SYNPO2: variants seen among roughly 807,000 people sequenced by gnomAD.
The protein encoded by SYNPO2 is synaptopodin-2.
SYNPO2 carries 56 observed loss-of-function variants against 85.0 expected under a neutral mutation model. The observed-to-expected ratio is 0.66, with a 90% CI of 0.53 to 0.82. SYNPO2 has a LOEUF of 0.82. Among genes scored for constraint, SYNPO2 ranks in the 40% least tolerant of loss-of-function variants. The pLI is 0.00. For synonymous variants in SYNPO2, 602 were observed against 591.1 expected (o/e 1.02, Z -0.27); for missense variants, 1,575 against 1,534.2 (o/e 1.03, Z -0.44).
Position 118,927,990 on chromosome 4 carries a change from C to G in SYNPO2, c.105+38849C>G, listed in dbSNP as rs547200915. Among the ~76,000 whole-genome samples, 4 of 152,256 alleles carry G rather than the reference C, an allele frequency of 2.6e-5. No individual in the cohort carries two copies. In the South Asian group the frequency reaches 6.2e-4, roughly 24 times the overall value. On this transcript the variant is annotated intron_variant, in intron 1 of 4. Transcript: ENST00000307142. ...TGTACATTTGTGAATACTTCTTGAA[C>G]TCCATCCTGGGAGGAGGAGGTTGTC... is the stretch of plus-strand genomic sequence containing the variant.
chr4:118,976,934 GATA>G (rs936879714), intron 1 of SYNPO2, among the ~76,000 whole-genome samples: 5 of 151,994 alleles, frequency 3.3e-5, no homozygotes, highest in African/African-American at 1.2e-4. Context: ...CCCTGAGCTA[GATA>G]ATAAAGACTC....
chr4:119,031,693 A>C lies in SYNPO2; in HGVS notation c.2918A>C (p.Asn973Thr). The C allele has an allele frequency of 1.2e-6, 2 of 1,614,188 alleles. No homozygotes were observed. Among genetic ancestry groups the C allele is most frequent in the Non-Finnish European group, 1.7e-6 (2 of 1,180,036 alleles). The change falls in exon 4 of 5, where the codon AAT becomes ACT. Residue 973 changes from asparagine to threonine, a missense_variant. Around this residue, in one of 3 missense-constraint regions of SYNPO2, gnomAD observed 1,508 missense variants for 1,446.8 expected, o/e 1.04. Coordinates refer to ENST00000307142, the MANE Select transcript of SYNPO2 (RefSeq NM_133477.3). ...DVMKHQPYQL[N>T]ASLFTFQPPD... ...ATGAAGCACCAACCGTATCAGCTCA[A>C]TGCATCCTTGTTTACTTTCCAACCT...
intron 1 of SYNPO2, among the ~76,000 whole-genome samples, chr4:118,966,167 G>A (rs767266278): frequency 1.3e-5 from 2 of 152,240 alleles, no homozygotes; most frequent in South Asian, 2.1e-4. Context: ...AGGGACTCAC[G>A]GGCAAAAGTT....
At chr4:118,866,418 C>T (rs534329843) in intron 1 of SYNPO2, among the ~76,000 whole-genome samples, 5 of 152,140 alleles carry the variant, frequency 3.3e-5, no homozygotes, top group Admixed American at 6.5e-5. Flanking sequence ...AAGGCTTTGC[C>T]GATTTCTTTG....
chr4:119,015,427 A>T (rs1014932939), intron 1 of SYNPO2, among the ~76,000 whole-genome samples: 1 of 152,202 alleles, frequency 6.6e-6, no homozygotes, highest in Non-Finnish European at 1.5e-5. Context: ...ACAAATGCAG[A>T]CTTCATATGT....
At chr4:118,885,262 A>C (rs951224947), upstream of SYNPO2, among the ~76,000 whole-genome samples, 1 of 152,160 alleles carries the variant, frequency 6.6e-6, no homozygotes, top group Non-Finnish European at 1.5e-5. Flanking sequence ...GAAGATTTGA[A>C]CTATAGGAAA....
At chr4:118,883,258 A>G (rs890996570) in intron 1 of SYNPO2, among the ~76,000 whole-genome samples, 1 of 152,114 alleles carries the variant, frequency 6.6e-6, no homozygotes, top group African/African-American at 2.4e-5. Flanking sequence ...AATTTTTACC[A>G]TTTTATTCAT....
chr4:119,010,373 G>A (rs1287290196), intron 1 of SYNPO2, among the ~76,000 whole-genome samples: 5 of 152,096 alleles, frequency 3.3e-5, no homozygotes, highest in East Asian at 3.8e-4. Context: ...ATGTGGCAGC[G>A]GCAAGAGAAA....
At chr4:119,027,519 C>A in intron 3 of SYNPO2, 81 bp downstream of exon 3, 1 of 1,278,164 alleles carries the variant, frequency 7.8e-7, no homozygotes, top group Non-Finnish European at 1.0e-6. Context: ...AGTTTTTCAG[C>A]AAGATTTTTC....
chr4:118,966,527 C>A (rs530328308), intron 1 of SYNPO2, among the ~76,000 whole-genome samples: 1 of 152,114 alleles, frequency 6.6e-6, no homozygotes, highest in African/African-American at 2.4e-5. Context: ...TAGGGTATGG[C>A]AGAAGGTTTG....
chr4:118,992,904 G>A (rs1736463102), intron 1 of SYNPO2, among the ~76,000 whole-genome samples: 1 of 152,104 alleles, frequency 6.6e-6, no homozygotes, highest in Admixed American at 6.6e-5. Flanking sequence ...CTCAGATGTG[G>A]GGCATCTTCT....
At position 118,899,815 on chromosome 4, in the gene SYNPO2, G is replaced by A. The variant is rs184083263; in HGVS notation, c.105+10674G>A. On this transcript the variant is annotated intron_variant, in intron 1 of 4. Transcript: ENST00000307142. ...TCGCTCTTGTCACCCAACCTGGAGC[G>A]CAATGGTGCCATCTTGGCCCACTGC... Among the ~76,000 whole-genome samples, 282 of 152,234 alleles carry A rather than the reference G, an allele frequency of 1.9e-3. 1 individual carries two copies. Among genetic ancestry groups the A allele is most frequent in the African/African-American group, 6.3e-3 (262 of 41,528 alleles).
chr4:119,061,137 T>C lies in SYNPO2; in HGVS notation c.*3203T>C, dbSNP rs1335913069. On this transcript the variant is annotated 3_prime_UTR_variant, in exon 5 of 5. Transcript: ENST00000307142. Reference sequence around the variant, plus strand: ...TTCTATTTTAAAAAATTGTGTTCTCTTGTTAAATAGATTAACATTTCCACT... The same window carrying C: ...TTCTATTTTAAAAAATTGTGTTCTCCTGTTAAATAGATTAACATTTCCACT... The C allele has an allele frequency of 6.6e-6, 1 of 152,192 alleles. No individual in the cohort carries two copies. Among genetic ancestry groups the C allele is most frequent in the Non-Finnish European group, 1.5e-5 (1 of 68,038 alleles). The allele number at this position is 152,192 out of a possible 1,614,324, so 9.4% of individuals were successfully genotyped here.
intron 1 of SYNPO2, among the ~76,000 whole-genome samples, chr4:118,889,481 G>A (rs1732292504): frequency 6.6e-6 from 1 of 152,146 alleles, no homozygotes. Flanking sequence ...TTGAGTTATT[G>A]TTTGATGTCA....
intron 1 of SYNPO2, among the ~76,000 whole-genome samples, chr4:119,005,736 T>C (rs975695612): frequency 4.6e-5 from 7 of 152,198 alleles, no homozygotes; most frequent in African/African-American, 1.7e-4. Context: ...CATATGAACT[T>C]TAAAGTAGTT....
intron 1 of SYNPO2, among the ~76,000 whole-genome samples, chr4:119,022,944 T>A (rs1737795090): frequency 6.6e-6 from 1 of 151,766 alleles, no homozygotes; most frequent in Non-Finnish European, 1.5e-5. Flanking sequence ...GCCCAGCTAA[T>A]TTTTGTACTT....
rs1578608580 is a variant in SYNPO2, at chr4:118,978,803, A to G, written c.106-44627A>G. Among the ~76,000 whole-genome samples, 3 of 101,124 alleles carry G rather than the reference A, an allele frequency of 3.0e-5. No individual in the cohort carries two copies. The East Asian group carries it at 1.2e-3, about 39-fold the overall frequency. 66.3% of individuals were successfully genotyped at this position (101,124 alleles called of 152,430 possible). ...AATACTCCTGCCATGACACACACAC[A>G]CACACACACACACACACACACACAC... On this transcript the variant is annotated intron_variant, in intron 1 of 4. Coordinates refer to ENST00000307142, the MANE Select transcript of SYNPO2 (RefSeq NM_133477.3).
chr4:118,924,727 T>C (rs1733656899), intron 1 of SYNPO2, among the ~76,000 whole-genome samples: 1 of 152,212 alleles, frequency 6.6e-6, no homozygotes, highest in African/African-American at 2.4e-5. Context: ...TTGTCTTCTC[T>C]GACCAGGCAA....
intron 1 of SYNPO2, among the ~76,000 whole-genome samples, chr4:118,937,808 G>T (rs920153125): frequency 5.3e-5 from 8 of 152,158 alleles, no homozygotes; most frequent in African/African-American, 1.7e-4. Context: ...TTGTCCCTTG[G>T]TATCTGTGGA....
Sources: gnomAD v4.1 joint callset for allele counts (sites outside exome capture counted in the v4.1 genomes callset) on GRCh38, gnomAD v4.1.1 for gene constraint, gnomAD v4.1.1 regional missense constraint, MANE v1.5 for transcripts, NCBI Gene and HGNC (gene_info 2026-07-23, HGNC 2026-07-21) for gene names.